Variants in TNNI3K observed in about 807,000 individuals in gnomAD.
The protein encoded by TNNI3K is TNNI3 interacting kinase.
Under a neutral mutation model 114.5 loss-of-function variants are expected in TNNI3K, and 140 were observed. The ratio of observed to expected loss-of-function variants is 1.22; its 90% confidence interval spans 1.07 to 1.41. TNNI3K has a LOEUF of 1.41. Ranked by LOEUF, TNNI3K falls within the 40% of genes most tolerant of loss-of-function variation. The pLI, the probability that TNNI3K is intolerant of heterozygous loss-of-function variation, is 0.00. For missense variants in TNNI3K, 1,125 were observed against 1,007.6 expected (o/e 1.12, Z -1.58); for synonymous variants, 347 against 347.5 (o/e 1.00, Z 0.02).
chr1:74,392,534 G>T (rs1194333683), intron 17 of TNNI3K, among the ~76,000 whole-genome samples: 3 of 152,146 alleles, frequency 2.0e-5, no homozygotes. Flanking sequence ...TTTCTCCCAG[G>T]TTCCATCAGT....
intron 4 of TNNI3K, among the ~76,000 whole-genome samples, chr1:74,269,300 C>T (rs191831307): frequency 3.3e-5 from 5 of 151,952 alleles, no homozygotes; most frequent in South Asian, 2.1e-4. Context: ...AAAATATAAG[C>T]TCTGTGAGAG....
intron 2 of TNNI3K, among the ~76,000 whole-genome samples, chr1:74,241,337 T>A (rs1483337464): frequency 3.3e-5 from 5 of 152,324 alleles, no homozygotes; most frequent in South Asian, 4.1e-4. Context: ...TAGTTCTAGA[T>A]CCCTGAGGAA....
intron 11 of TNNI3K, among the ~76,000 whole-genome samples, chr1:74,360,629 A>G (rs1275675890): frequency 6.6e-6 from 1 of 151,966 alleles, no homozygotes; most frequent in Non-Finnish European, 1.5e-5. Context: ...TGGCAGTCCA[A>G]TCTGCCTTTA....
At chr1:74,543,198 C>G (rs1195965618) in intron 24 of TNNI3K, among the ~76,000 whole-genome samples, 7 of 149,368 alleles carry the variant, frequency 4.7e-5, no homozygotes, top group African/African-American at 1.7e-4. Flanking sequence ...CCTCAGCCTC[C>G]TGAGTAGCTG....
intron 24 of TNNI3K, among the ~76,000 whole-genome samples, chr1:74,540,867 C>G (rs1646718718): frequency 1.3e-5 from 2 of 152,132 alleles, no homozygotes; most frequent in African/African-American, 4.8e-5. Context: ...AACCATTTTA[C>G]ACAGGACTTC....
At chr1:74,284,752 C>G (rs944203392) in intron 5 of TNNI3K, among the ~76,000 whole-genome samples, 3 of 152,192 alleles carry the variant, frequency 2.0e-5, no homozygotes, top group African/African-American at 7.2e-5. Context: ...TGTGAAAAAT[C>G]AGACCTTGGC....
chr1:74,519,762 T>C (rs1646403964), intron 23 of TNNI3K, among the ~76,000 whole-genome samples: 1 of 152,146 alleles, frequency 6.6e-6, no homozygotes, highest in South Asian at 2.1e-4. Context: ...CAAGTACCTA[T>C]AATGAAGATA....
Position 74,369,505 on chromosome 1 carries a change from G to A in TNNI3K, c.1587G>A (p.Leu529=), listed in dbSNP as rs1488761303. The change falls in exon 16 of 25, where the codon TTG becomes TTA. Residue 529 remains leucine (L), a synonymous_variant. Coordinates refer to ENST00000326637, the MANE Select transcript of TNNI3K (RefSeq NM_015978.3). ...PCVIQFVGAC[L]NDPSQFAIVT... ...TAATTCAGTTTGTGGGTGCTTGCTTGAATGATCCCAGCCAGTTTGCCATTG... is the reference window on the plus strand; with the variant it reads ...TAATTCAGTTTGTGGGTGCTTGCTTAAATGATCCCAGCCAGTTTGCCATTG... 1 of 1,612,776 alleles carries A rather than the reference G, an allele frequency of 6.2e-7. No homozygotes were observed. The highest frequency in any genetic ancestry group is 1.7e-5 in the Admixed American group (1 of 59,854).
At chr1:74,503,452 A>G (rs544227015) in intron 23 of TNNI3K, among the ~76,000 whole-genome samples, 1 of 152,336 alleles carries the variant, frequency 6.6e-6, no homozygotes, top group East Asian at 1.9e-4. Flanking sequence ...CCCTCACTTC[A>G]GCAGTGTCTT....
chr1:74,303,510 G>A (rs190290837), intron 5 of TNNI3K, among the ~76,000 whole-genome samples: 92 of 151,942 alleles, frequency 6.1e-4, no homozygotes, highest in Admixed American at 1.0e-3. Context: ...CACTACTCAG[G>A]GAAAAAAAAT....
chr1:74,538,327 A>G (rs1213538140), intron 23 of TNNI3K, among the ~76,000 whole-genome samples: 1 of 152,106 alleles, frequency 6.6e-6, no homozygotes, highest in African/African-American at 2.4e-5. Context: ...TTTTATTATA[A>G]TAAGACCCTT....
chr1:74,439,899 G>C (rs1666300760), intron 20 of TNNI3K, among the ~76,000 whole-genome samples: 1 of 151,934 alleles, frequency 6.6e-6, no homozygotes, highest in African/African-American at 2.4e-5. Flanking sequence ...AAATAACTAT[G>C]ATCATGTGGC....
intron 2 of TNNI3K, among the ~76,000 whole-genome samples, chr1:74,244,097 G>A (rs1654408579): frequency 6.6e-6 from 1 of 152,086 alleles, no homozygotes; most frequent in South Asian, 2.1e-4. Context: ...CGTTTGACTA[G>A]AAGTTAATGG....
intron 5 of TNNI3K, among the ~76,000 whole-genome samples, chr1:74,275,490 C>T (rs142375894): frequency 4.9e-4 from 75 of 152,054 alleles, no homozygotes; most frequent in Admixed American, 1.4e-3. Context: ...GGTGGGAACA[C>T]AGAGCCAAAG....
At chr1:74,367,866 A>G (rs199770956) in intron 12 of TNNI3K, 42 bp from the exon 13 acceptor site, 1 of 1,531,518 alleles carries the variant, frequency 6.5e-7, no homozygotes, top group South Asian at 1.3e-5. Context: ...GTAGAAAAAA[A>G]TGATCGCTAC....
At chr1:74,512,137 T>C (rs1307356052) in intron 23 of TNNI3K, among the ~76,000 whole-genome samples, 4 of 152,204 alleles carry the variant, frequency 2.6e-5, no homozygotes, top group Non-Finnish European at 5.9e-5. Flanking sequence ...CCAGTCTTTA[T>C]TGAAATAGCC....
rs369704211 is a variant in TNNI3K at position 74,430,715 on chromosome 1, A to G, written c.1773-5365A>G. Among the ~76,000 whole-genome samples, 1,182 of 143,568 alleles carry G rather than the reference A, an allele frequency of 8.2e-3. 18 individuals are homozygous for G. Among genetic ancestry groups the G allele is most frequent in the African/African-American group, 0.028 (1,141 of 41,328 alleles). 94.2% of individuals were successfully genotyped at this position (143,568 alleles called of 152,430 possible). A position where few individuals can be genotyped will look rare whatever the true frequency, so the allele number is the denominator to read the frequency against. ...AAATACTCACTTCTGTTACATAAAC[A>G]ATTAACTCAAGTCATTTGCTTCATG... On this transcript the variant is annotated intron_variant, in intron 17 of 24. Transcript: ENST00000326637.
intron 11 of TNNI3K, among the ~76,000 whole-genome samples, chr1:74,354,573 A>G (rs922016796): frequency 6.6e-6 from 1 of 152,184 alleles, no homozygotes; most frequent in African/African-American, 2.4e-5. Context: ...GAGGGACCCA[A>G]GTGTAAACTT....
chr1:74,409,011 G>C (rs72675304), intron 17 of TNNI3K, among the ~76,000 whole-genome samples: 14,362 of 151,242 alleles, frequency 0.095, 976 homozygotes, highest in African/African-American at 0.2. Context: ...AAAAAATAGA[G>C]TCTTCTTAAA....
Sources: allele counts gnomAD v4.1 joint callset (sites outside exome capture counted in the v4.1 genomes callset), GRCh38; gene constraint gnomAD v4.1.1; transcripts MANE v1.5; gene names NCBI Gene and HGNC (gene_info 2026-07-23, HGNC 2026-07-21).